Variants in ZDHHC14 observed in about 807,000 individuals in gnomAD.
ZDHHC14 encodes palmitoyltransferase ZDHHC14.
A neutral mutation model predicts 47.7 loss-of-function variants in ZDHHC14; 16 were observed. The observed-to-expected ratio is 0.34, with a 90% CI of 0.23 to 0.51. The LOEUF (loss-of-function observed/expected upper bound fraction) is 0.51. Ranked by LOEUF, ZDHHC14 falls within the 20% of genes least tolerant of loss-of-function variation. The probability of loss-of-function intolerance (pLI) is 0.97; values close to 1 mark genes in which losing one functional copy is unlikely to be tolerated. For missense variants in ZDHHC14, 515 were observed against 662.5 expected, an observed-to-expected ratio of 0.78 and a Z score of 2.44; for synonymous variants, 293 against 278.9, an observed-to-expected ratio of 1.05 and a Z score of -0.50.
intron 1 of ZDHHC14, among the ~76,000 whole-genome samples, chr6:157,408,458 G>T (rs981534111): frequency 8.6e-5 from 13 of 151,958 alleles, no homozygotes; most frequent in African/African-American, 3.1e-4. Flanking sequence ...CTCCCTCCAC[G>T]CCCTCCAACA....
intron 3 of ZDHHC14, among the ~76,000 whole-genome samples, chr6:157,609,349 G>A (rs1784668140): frequency 6.6e-6 from 1 of 152,240 alleles, no homozygotes; most frequent in Non-Finnish European, 1.5e-5. Context: ...GCCGAGGGCA[G>A]CTTGCACTGG....
chr6:157,579,544 AT>A (rs2073757610), intron 2 of ZDHHC14, among the ~76,000 whole-genome samples: 1 of 152,052 alleles, frequency 6.6e-6, no homozygotes, highest in Non-Finnish European at 1.5e-5. Flanking sequence ...TTCCATTTGT[AT>A]GTGTCATCAC....
intron 8 of ZDHHC14, 74 bp from the exon 9 acceptor site, chr6:157,672,649 GT>G: frequency 1.7e-5 from 5 of 286,296 alleles, no homozygotes; most frequent in South Asian, 3.1e-5. Context: ...CCCGTGCCCT[GT>G]CCCCATCCCT....
At chr6:157,531,360 G>A (rs1328696932) in intron 1 of ZDHHC14, among the ~76,000 whole-genome samples, 1 of 151,980 alleles carries the variant, frequency 6.6e-6, no homozygotes, top group Non-Finnish European at 1.5e-5. Context: ...CCAGTCACTC[G>A]GTGCACCGTC....
At chr6:157,581,801 C>G (rs979413044) in intron 2 of ZDHHC14, among the ~76,000 whole-genome samples, 5 of 152,050 alleles carry the variant, frequency 3.3e-5, no homozygotes, top group African/African-American at 1.2e-4. Context: ...TCATTTTGAG[C>G]CTATGGGTGT....
At chr6:157,633,024 C>T (rs1469077984) in intron 5 of ZDHHC14, 142 bp downstream of exon 5, 2 of 864,652 alleles carry the variant, frequency 2.3e-6, no homozygotes, top group Non-Finnish European at 3.9e-6. Flanking sequence ...GATTCACTGG[C>T]ACGAGTAGTA....
At chr6:157,566,314 G>A (rs770765596) in intron 2 of ZDHHC14, among the ~76,000 whole-genome samples, 18 of 152,194 alleles carry the variant, frequency 1.2e-4, no homozygotes, top group Non-Finnish European at 2.2e-4. Context: ...TTGCCAGGCT[G>A]GGGGTGTCTC....
chr6:157,631,126 C>G (rs1277171895), intron 4 of ZDHHC14: 1 of 152,308 alleles, frequency 6.6e-6, no homozygotes, highest in African/African-American at 2.4e-5. Context: ...CTCACACTCT[C>G]GCACTCACAT....
At position 157,675,221 on chromosome 6, in the gene ZDHHC14, C is replaced by T. The variant is rs908893842; in HGVS notation, c.*2099C>T. The T allele has an allele frequency of 6.6e-6, 1 of 152,302 alleles. No individual in the cohort carries two copies. The highest frequency in any genetic ancestry group is 1.9e-4 in the East Asian group (1 of 5,206). 9.4% of individuals were successfully genotyped at this position (152,302 alleles called of 1,614,324 possible). A position where few individuals can be genotyped will look rare whatever the true frequency, so the allele number is the denominator to read the frequency against. Reference sequence around the variant, plus strand: ...CACGTGTGGCCCAGTCCATTCTCAGCTCATTCCCCTGGAAAGCAAGATCAT... The same window carrying T: ...CACGTGTGGCCCAGTCCATTCTCAGTTCATTCCCCTGGAAAGCAAGATCAT... On this transcript the variant is annotated 3_prime_UTR_variant, in exon 9 of 9. Coordinates refer to ENST00000359775, the MANE Select transcript of ZDHHC14 (RefSeq NM_024630.3).
At chr6:157,562,363 G>T (rs913897674) in intron 2 of ZDHHC14, among the ~76,000 whole-genome samples, 4 of 152,202 alleles carry the variant, frequency 2.6e-5, no homozygotes, top group African/African-American at 9.7e-5. Context: ...AGCTCCCAGG[G>T]TGGACGCTGG....
In ZDHHC14 at chr6:157,595,231, C is replaced by T. The variant is rs182762986; in HGVS notation, c.565+2085C>T. ...TTTTTGTGATGGAGTCTTGCTCTGT[C>T]GTCCAGGCTGGAGTGCAGTGGCATG... On this transcript the variant is annotated intron_variant, in intron 3 of 8. Transcript: ENST00000359775. 5.3e-3 allele frequency among the ~76,000 whole-genome samples: 569 copies of T among 107,132 alleles called. 4 individuals carry two copies. Among genetic ancestry groups the T allele is most frequent in the South Asian group, 0.014 (43 of 3,052 alleles). 70.3% of individuals were successfully genotyped at this position (107,132 alleles called of 152,430 possible).
chr6:157,492,252 C>T (rs1271599802), intron 1 of ZDHHC14, among the ~76,000 whole-genome samples: 2 of 149,606 alleles, frequency 1.3e-5, no homozygotes, highest in Admixed American at 6.8e-5. Context: ...AGTCACCGTC[C>T]TGCCAAGAAC....
At chr6:157,407,442 G>A (rs1308468177) in intron 1 of ZDHHC14, among the ~76,000 whole-genome samples, 2 of 152,186 alleles carry the variant, frequency 1.3e-5, no homozygotes, top group Non-Finnish European at 1.5e-5. Flanking sequence ...TTGCTTTCCT[G>A]TTAAGCCAAG....
chr6:157,560,468 A>T (rs1049890615), intron 2 of ZDHHC14, among the ~76,000 whole-genome samples: 1 of 152,250 alleles, frequency 6.6e-6, no homozygotes, highest in African/African-American at 2.4e-5. Context: ...AGTTATCCTT[A>T]TACAATTTCA....
At chr6:157,619,851 G>A (rs1437134768) in intron 3 of ZDHHC14, among the ~76,000 whole-genome samples, 22 of 152,116 alleles carry the variant, frequency 1.4e-4, no homozygotes, top group Admixed American at 1.4e-3. Flanking sequence ...CCCGCTCAAA[G>A]GCATCTTAGA....
Position 157,673,950 on chromosome 6 carries a change from C to T in ZDHHC14, c.*828C>T, listed in dbSNP as rs1216819299. 1.3e-5 allele frequency: 2 copies of T among 152,620 alleles called. No homozygotes were observed. The highest frequency in any genetic ancestry group is 2.4e-5 in the African/African-American group (1 of 41,436). 9.5% of individuals were successfully genotyped at this position (152,620 alleles called of 1,614,324 possible). The stretch of plus-strand genomic sequence containing the variant: ...GACGTCCTCTGTTATTTTGGATCTG[C>T]GTACGGTTATCCTTAATAGCATAAA... On this transcript the variant is annotated 3_prime_UTR_variant, in exon 9 of 9. Coordinates refer to ENST00000359775, the MANE Select transcript of ZDHHC14 (RefSeq NM_024630.3). The surrounding 1 kb of genome is among the most constrained non-coding windows in gnomAD (Gnocchi z 5.4).
chr6:157,619,016 C>T (rs1490964492), intron 3 of ZDHHC14, among the ~76,000 whole-genome samples: 6 of 152,120 alleles, frequency 3.9e-5, no homozygotes, highest in South Asian at 2.1e-4. Flanking sequence ...TTCTACCCAG[C>T]AGAGCTTACT....
At chr6:157,552,737 A>G (rs570842794) in intron 2 of ZDHHC14, among the ~76,000 whole-genome samples, 10 of 152,272 alleles carry the variant, frequency 6.6e-5, no homozygotes, top group African/African-American at 2.4e-4. Context: ...CTCAGAAGCC[A>G]GGCCTTCCCT....
At chr6:157,506,504 C>A (rs1780328585) in intron 1 of ZDHHC14, among the ~76,000 whole-genome samples, 1 of 152,240 alleles carries the variant, frequency 6.6e-6, no homozygotes, top group African/African-American at 2.4e-5. Context: ...GTGGACTTCT[C>A]TAATCCCCTT....
Sources: gnomAD v4.1 joint callset for allele counts (sites outside exome capture counted in the v4.1 genomes callset) on GRCh38, gnomAD v4.1.1 for gene constraint, Gnocchi (gnomAD v3.1) non-coding constraint, MANE v1.5 for transcripts, NCBI Gene and HGNC (gene_info 2026-07-23, HGNC 2026-07-21) for gene names.